UNC5C: variants seen among roughly 807,000 people sequenced by gnomAD.
UNC5C encodes netrin receptor UNC5C.
In UNC5C, 47 loss-of-function variants were observed where a neutral mutation model predicts 99.8. The ratio of observed to expected loss-of-function variants is 0.47; its 90% CI spans 0.37 to 0.60. The LOEUF is 0.60. Ranked by LOEUF, UNC5C falls within the 20% of genes least tolerant of loss-of-function variation. The pLI, the probability that UNC5C is intolerant of heterozygous loss-of-function variation, is 0.00. For missense variants in UNC5C, 1,062 were observed against 1,165.9 expected, an observed-to-expected ratio of 0.91 and a Z score of 1.30; for synonymous variants, 487 against 452.2, an observed-to-expected ratio of 1.08 and a Z score of -0.98.
intron 1 of UNC5C, among the ~76,000 whole-genome samples, chr4:95,446,066 C>T (rs759870044): frequency 6.6e-6 from 1 of 152,092 alleles, no homozygotes; most frequent in Non-Finnish European, 1.5e-5. Context: ...AAAGGAAGGA[C>T]ACACTTTGTC....
rs1488142305 is a variant in UNC5C, at chr4:95,168,482, CAT to C, written c.*750_*751del. 6.6e-6 allele frequency: 1 copy of C among 152,468 alleles called. No individual in the cohort carries two copies. Among genetic ancestry groups the C allele is most frequent in the Admixed American group, 6.5e-5 (1 of 15,276 alleles). The allele number at this position is 152,468 out of a possible 1,614,324, so 9.4% of individuals were successfully genotyped here. A position where few individuals can be genotyped will look rare whatever the true frequency, so the allele number is the denominator to read the frequency against. ...ATATTGCATATTACAAACAAACACA[CAT>C]GTTGTGAAAAAAATGCTTGTTTGTG... is the stretch of plus-strand genomic sequence containing the variant. On this transcript the variant is annotated 3_prime_UTR_variant, in exon 16 of 16. Transcript: ENST00000453304.
chr4:95,427,790 A>G (rs1247539223), intron 1 of UNC5C, among the ~76,000 whole-genome samples: 7 of 152,140 alleles, frequency 4.6e-5, no homozygotes, highest in Admixed American at 1.3e-4. Flanking sequence ...CAAACCCACA[A>G]TATCTTTGAG....
At chr4:95,414,868 T>C (rs1746114031) in intron 1 of UNC5C, among the ~76,000 whole-genome samples, 2 of 152,176 alleles carry the variant, frequency 1.3e-5, no homozygotes, top group African/African-American at 2.4e-5. Flanking sequence ...GGAGAGAAAA[T>C]GATCTGGATA....
In UNC5C at chr4:95,240,737, A is replaced by G. The variant is rs115837518; in HGVS notation, c.1108+1692T>C. The stretch of plus-strand genomic sequence containing the variant: ...TGCCATCATTACTGGCAAATATCCA[A>G]TCATAAGGAAAAAATTCTATGAATG... On this transcript the variant is annotated intron_variant, in intron 7 of 15. Coordinates refer to ENST00000453304, the MANE Select transcript of UNC5C (RefSeq NM_003728.4). Among the ~76,000 whole-genome samples, 1,336 of 152,322 alleles carry G rather than the reference A, an allele frequency of 8.8e-3. 23 individuals carry two copies. Among genetic ancestry groups the G allele is most frequent in the African/African-American group, 0.03 (1,262 of 41,570 alleles).
intron 12 of UNC5C, among the ~76,000 whole-genome samples, chr4:95,187,478 A>G (rs1376414630): frequency 6.6e-6 from 1 of 152,214 alleles, no homozygotes; most frequent in Non-Finnish European, 1.5e-5. Flanking sequence ...AGACTGCCAG[A>G]GGATATGAAG....
intron 1 of UNC5C, among the ~76,000 whole-genome samples, chr4:95,521,689 C>T (rs767171399): frequency 2.0e-5 from 3 of 152,122 alleles, no homozygotes; most frequent in Non-Finnish European, 2.9e-5. Context: ...CCATAGCAAA[C>T]ATCCATTGGA....
At chr4:95,412,096 G>A (rs143220902) in intron 1 of UNC5C, among the ~76,000 whole-genome samples, 239 of 151,450 alleles carry the variant, frequency 1.6e-3, no homozygotes, top group African/African-American at 5.2e-3. Flanking sequence ...AGTGTCCTGC[G>A]TGAGCTTCTT....
chr4:95,309,792 G>C (rs1303515799), intron 2 of UNC5C, among the ~76,000 whole-genome samples: 2 of 152,152 alleles, frequency 1.3e-5, no homozygotes, highest in Admixed American at 6.6e-5. Flanking sequence ...GTTGGCAAAG[G>C]ATATGGGGCA....
chr4:95,439,392 T>TTC (rs1443677626), intron 1 of UNC5C, among the ~76,000 whole-genome samples: 1 of 151,634 alleles, frequency 6.6e-6, no homozygotes, highest in East Asian at 1.9e-4. Context: ...GGTTTTTTTT[T>TTC]TTTTGTTTCC....
At chr4:95,266,854 C>A (rs1353209046) in intron 4 of UNC5C, among the ~76,000 whole-genome samples, 2 of 152,136 alleles carry the variant, frequency 1.3e-5, no homozygotes, top group African/African-American at 4.8e-5. Context: ...AGTGGATTAT[C>A]CATTTATAGC....
intron 7 of UNC5C, among the ~76,000 whole-genome samples, chr4:95,237,815 C>T (rs184410886): frequency 1.1e-4 from 16 of 152,162 alleles, no homozygotes; most frequent in Admixed American, 3.3e-4. Flanking sequence ...GAAGCCGACG[C>T]GGCAGATGAC....
At chr4:95,292,255 ATATATATAT>A (rs1741498292) in intron 3 of UNC5C, among the ~76,000 whole-genome samples, 2 of 143,752 alleles carry the variant, frequency 1.4e-5, no homozygotes, top group African/African-American at 2.5e-5. Flanking sequence ...ATATATATAT[ATATATATAT>A]ATAAATTTTT....
intron 2 of UNC5C, among the ~76,000 whole-genome samples, chr4:95,332,300 A>C (rs1054260884): frequency 1.3e-5 from 2 of 150,564 alleles, no homozygotes; most frequent in Admixed American, 6.7e-5. Flanking sequence ...TGGAGGCATC[A>C]CACTACCTGA....
chr4:95,286,318 G>T (rs964017182), intron 3 of UNC5C, among the ~76,000 whole-genome samples: 1 of 152,166 alleles, frequency 6.6e-6, no homozygotes, highest in African/African-American at 2.4e-5. Flanking sequence ...CCACACTCAG[G>T]TTGGGCCCTG....
chr4:95,216,192 G>C lies in UNC5C; in HGVS notation c.1665C>G (p.Pro555=). ...VPNSGVSLLI[P]AGAIPQGRVY... ...CTCTCCCTTGGGGAATGGCCCCAGC[G>C]GGAATCAGCAAGCTGACTCCTGAAT... The change falls in exon 10 of 16, where the codon CCC becomes CCG. Residue 555 remains proline, a synonymous_variant. Transcript: ENST00000453304. The C allele has an allele frequency of 6.2e-7, 1 of 1,613,312 alleles. No individual in the cohort carries two copies. The highest frequency in any genetic ancestry group is 8.5e-7 in the Non-Finnish European group (1 of 1,179,874).
chr4:95,529,858 GA>G (rs1041408370), intron 1 of UNC5C, among the ~76,000 whole-genome samples: 1 of 152,132 alleles, frequency 6.6e-6, no homozygotes, highest in Non-Finnish European at 1.5e-5. Context: ...GACAATGTAA[GA>G]AAAAAGAATT....
At chr4:95,177,727 G>A (rs13353563) in intron 14 of UNC5C, among the ~76,000 whole-genome samples, 2,987 of 152,204 alleles carry the variant, frequency 0.02, 104 homozygotes, top group African/African-American at 0.068. Flanking sequence ...AGGGGCATTT[G>A]ACACTTCTCT....
intron 1 of UNC5C, among the ~76,000 whole-genome samples, chr4:95,494,535 T>C (rs938744733): frequency 2.6e-5 from 4 of 151,396 alleles, no homozygotes; most frequent in Non-Finnish European, 5.9e-5. Flanking sequence ...AGTGCACAAA[T>C]GCCTCTCAAG....
chr4:95,312,656 C>T (rs1035503749), intron 2 of UNC5C, among the ~76,000 whole-genome samples: 1 of 152,136 alleles, frequency 6.6e-6, no homozygotes, highest in African/African-American at 2.4e-5. Flanking sequence ...ATCCAATGTT[C>T]CTATTCCTTT....
Sources: allele counts gnomAD v4.1 joint callset (sites outside exome capture counted in the v4.1 genomes callset), GRCh38; gene constraint gnomAD v4.1.1; transcripts MANE v1.5; gene names NCBI Gene and HGNC (gene_info 2026-07-23, HGNC 2026-07-21).